The following TBC1D5 variants were observed in gnomAD, a reference collection of about 807,000 sequenced individuals.
TBC1D5 encodes TBC1 domain family, member 5.
A neutral mutation model predicts 100.3 loss-of-function variants in TBC1D5; 75 were observed. The ratio of observed to expected loss-of-function variants is 0.75; its 90% CI spans 0.62 to 0.91. The LOEUF (loss-of-function observed/expected upper bound fraction) is 0.91. Among genes scored for constraint, TBC1D5 ranks in the 40% least tolerant of loss-of-function variants. The pLI is 0.00. For missense variants in TBC1D5, 910 were observed against 942.4 expected (o/e 0.97, Z 0.45); for synonymous variants, 323 against 325.6 (o/e 0.99, Z 0.09).
intron 2 of TBC1D5, among the ~76,000 whole-genome samples, chr3:17,565,939 A>G (rs890883167): frequency 6.6e-6 from 1 of 151,998 alleles, no homozygotes; most frequent in African/African-American, 2.4e-5. Context: ...TTCCTATATT[A>G]TAACATTATA....
intron 16 of TBC1D5, among the ~76,000 whole-genome samples, chr3:17,254,767 G>GGA (rs2077486570): frequency 6.7e-5 from 1 of 15,000 alleles, no homozygotes; most frequent in South Asian, 2.8e-3. Context: ...TGGCGGGGGT[G>GGA]GGGGGGGGGT....
intron 2 of TBC1D5, among the ~76,000 whole-genome samples, chr3:17,616,541 T>C (rs559414265): frequency 7.2e-5 from 11 of 152,228 alleles, no homozygotes; most frequent in South Asian, 2.1e-4. Context: ...TTGTAGGTCT[T>C]TAAGGACTTG....
At chr3:17,301,249 C>T (rs1026239157) in intron 14 of TBC1D5, among the ~76,000 whole-genome samples, 6 of 151,492 alleles carry the variant, frequency 4.0e-5, no homozygotes, top group Admixed American at 2.0e-4. Flanking sequence ...AAATAGAGAC[C>T]ATGTTTTTTG....
intron 17 of TBC1D5, among the ~76,000 whole-genome samples, chr3:17,218,233 A>G (rs1394024892): frequency 6.6e-6 from 1 of 152,050 alleles, no homozygotes; most frequent in African/African-American, 2.4e-5. Context: ...TAAAATAACT[A>G]TATAACAAGT....
chr3:17,212,453 T>C (rs1015480040), intron 18 of TBC1D5, among the ~76,000 whole-genome samples: 1 of 152,212 alleles, frequency 6.6e-6, no homozygotes, highest in African/African-American at 2.4e-5. Flanking sequence ...ATGTATTTAC[T>C]ACATTATACT....
chr3:17,627,388 T>C (rs2153663627), intron 1 of TBC1D5, among the ~76,000 whole-genome samples: 1 of 152,228 alleles, frequency 6.6e-6, no homozygotes, highest in African/African-American at 2.4e-5. Flanking sequence ...GAATACATAA[T>C]AGTTTAAAAT....
At chr3:17,247,590 T>C (rs1332834253) in intron 16 of TBC1D5, among the ~76,000 whole-genome samples, 1 of 152,220 alleles carries the variant, frequency 6.6e-6, no homozygotes, top group African/African-American at 2.4e-5. Context: ...GGGGTGGTTG[T>C]GGCAATTTCT....
chr3:17,380,352 T>C (rs1055793870), intron 9 of TBC1D5, among the ~76,000 whole-genome samples: 5 of 152,082 alleles, frequency 3.3e-5, no homozygotes, highest in Non-Finnish European at 7.4e-5. Flanking sequence ...GGGATTTTTT[T>C]TCAAATACCT....
At chr3:17,401,453 T>C (rs1259920446) in intron 8 of TBC1D5, among the ~76,000 whole-genome samples, 1 of 151,856 alleles carries the variant, frequency 6.6e-6, no homozygotes, top group Non-Finnish European at 1.5e-5. Context: ...ACAGAAAATA[T>C]AGAAGTTTTC....
chr3:17,203,047 T>C (rs2071674672), intron 18 of TBC1D5, among the ~76,000 whole-genome samples: 1 of 151,552 alleles, frequency 6.6e-6, no homozygotes, highest in Non-Finnish European at 1.5e-5. Flanking sequence ...ACTGTGTGCC[T>C]GGAAATGCCA....
chr3:17,455,381 C>T (rs2095050316), intron 3 of TBC1D5, among the ~76,000 whole-genome samples: 1 of 138,678 alleles, frequency 7.2e-6, no homozygotes, highest in African/African-American at 2.7e-5. Context: ...TATGTATAAG[C>T]CAAAAAAAGT....
intron 14 of TBC1D5, 66 bp from the exon 15 acceptor site, chr3:17,292,067 T>C: frequency 7.3e-7 from 1 of 1,373,104 alleles, no homozygotes; most frequent in Non-Finnish European, 1.0e-6. Context: ...GCTGAGAATA[T>C]AAAATCTAAC....
chr3:17,633,159 G>A (rs1292984314), intron 1 of TBC1D5, among the ~76,000 whole-genome samples: 2 of 152,114 alleles, frequency 1.3e-5, no homozygotes, highest in South Asian at 2.1e-4. Context: ...TCATCCGGCC[G>A]TGCACGGTGA....
chr3:17,168,019 T>C (rs2066813818), intron 19 of TBC1D5, among the ~76,000 whole-genome samples, 191 bp from the exon 21 acceptor site: 1 of 152,194 alleles, frequency 6.6e-6, no homozygotes. Context: ...CTGGGCCTGG[T>C]ACACACAGCC....
At chr3:17,352,956 T>A (rs1490721927) in intron 13 of TBC1D5, among the ~76,000 whole-genome samples, 1 of 152,056 alleles carries the variant, frequency 6.6e-6, no homozygotes, top group Non-Finnish European at 1.5e-5. Context: ...TTAAACACAC[T>A]GTTTTCACTA....
chr3:17,610,066 G>GT (rs2061572155), intron 2 of TBC1D5, among the ~76,000 whole-genome samples: 1 of 152,162 alleles, frequency 6.6e-6, no homozygotes, highest in Non-Finnish European at 1.5e-5. Context: ...TAACATTATA[G>GT]TATCTCTCAA....
intron 2 of TBC1D5, among the ~76,000 whole-genome samples, chr3:17,597,092 T>G (rs529216228): frequency 6.6e-6 from 1 of 152,350 alleles, no homozygotes; most frequent in South Asian, 2.1e-4. Context: ...ATCTGTGAAG[T>G]TATATGTAGG....
At chr3:17,607,273 A>G (rs2061385792) in intron 2 of TBC1D5, among the ~76,000 whole-genome samples, 1 of 152,164 alleles carries the variant, frequency 6.6e-6, no homozygotes, top group Non-Finnish European at 1.5e-5. Flanking sequence ...TGTACAGCAA[A>G]AAAAAATTAA....
intron 1 of TBC1D5, among the ~76,000 whole-genome samples, chr3:17,704,383 C>G (rs1352703414): frequency 3.3e-5 from 5 of 152,014 alleles, no homozygotes; most frequent in Admixed American, 2.0e-4. Flanking sequence ...TCCCGCCTTT[C>G]TATTCCACAA....
Sources: gnomAD v4.1 joint callset for allele counts (sites outside exome capture counted in the v4.1 genomes callset) on GRCh38, gnomAD v4.1.1 for gene constraint, MANE v1.5 for transcripts, NCBI Gene and HGNC (gene_info 2026-07-23, HGNC 2026-07-21) for gene names.